SCUBE1: variants seen among roughly 807,000 people sequenced by gnomAD.
The protein encoded by SCUBE1 is signal peptide, CUB and EGF-like domain-containing protein 1.
A neutral mutation model predicts 124.4 loss-of-function variants in SCUBE1; 59 were observed. The ratio of observed to expected loss-of-function variants is 0.47; its 90% CI spans 0.38 to 0.59. The LOEUF (loss-of-function observed/expected upper bound fraction) is 0.59. SCUBE1 is among the 20% of genes least tolerant of loss of function. The probability of loss-of-function intolerance (pLI) is 0.00; values close to 1 mark genes in which losing one functional copy is unlikely to be tolerated. For synonymous variants in SCUBE1, 545 were observed against 550.9 expected (o/e 0.99, Z 0.15); for missense variants, 1,150 against 1,371.2 (o/e 0.84, Z 2.55).
chr22:43,239,552 G>C (rs955067529), intron 6 of SCUBE1, among the ~76,000 whole-genome samples: 2 of 152,284 alleles, frequency 1.3e-5, no homozygotes, highest in Admixed American at 6.5e-5. Flanking sequence ...AGCTTGTCTA[G>C]TGCTTTTTCT....
chr22:43,325,513 A>C (rs6003156), intron 2 of SCUBE1, among the ~76,000 whole-genome samples: 47,196 of 149,242 alleles, frequency 0.32, 8,212 homozygotes, highest in East Asian at 0.53. Flanking sequence ...AGTGGGGAAG[A>C]GATTTCATGG....
In SCUBE1 at chr22:43,227,380, A is replaced by C. The variant is rs200425162; in HGVS notation, c.1201T>G (p.Cys401Gly). The part of the protein sequence containing the change: ...GRRLHWNGKD[C>G]VETGKCLSRA... ...GCACAGGGCGGCCACCTACCCACGC[A>C]ATCCTTCCCGTTCCAGTGGAGCCGC... Residue 401 changes from cysteine (C) to glycine (G), a missense_variant, in exon 10 of 22, where the codon TGC becomes GGC. Cys to Gly is a radical substitution (Grantham distance 159, BLOSUM62 -3). Coordinates refer to ENST00000360835, the MANE Select transcript of SCUBE1 (RefSeq NM_173050.5). 6.2e-7 allele frequency: 1 copy of C among 1,610,082 alleles called. No individual in the cohort carries two copies. The highest frequency in any genetic ancestry group is 8.5e-7 in the Non-Finnish European group (1 of 1,179,496).
intron 6 of SCUBE1, among the ~76,000 whole-genome samples, chr22:43,251,249 A>T (rs112305965): frequency 6.6e-6 from 1 of 152,224 alleles, no homozygotes; most frequent in African/African-American, 2.4e-5. Context: ...TGCATCCCAC[A>T]TCTTCAGGAC....
chr22:43,318,750 A>C (rs1926438744), intron 3 of SCUBE1, among the ~76,000 whole-genome samples: 1 of 152,032 alleles, frequency 6.6e-6, no homozygotes, highest in Non-Finnish European at 1.5e-5. Flanking sequence ...TGTTTTTGAG[A>C]TGGAGTTTCA....
rs1920972642 is a variant in SCUBE1, at chr22:43,199,547, TG to T, written c.*4449del. 6.6e-6 allele frequency: 1 copy of T among 151,254 alleles called. No individual in the cohort carries two copies. The highest frequency in any genetic ancestry group is 6.6e-5 in the Admixed American group (1 of 15,212). 9.4% of individuals were successfully genotyped at this position (151,254 alleles called of 1,614,324 possible). ...ACTTTATCTGTGTGTCCTAAGCCAA[TG>T]GGTAGCTGGAGAGAAAGCTGCCTGA... On this transcript the variant is annotated 3_prime_UTR_variant, in exon 22 of 22. Transcript: ENST00000360835.
intron 3 of SCUBE1, among the ~76,000 whole-genome samples, chr22:43,313,925 G>A (rs553547210): frequency 2.0e-5 from 3 of 152,240 alleles, no homozygotes; most frequent in Non-Finnish European, 4.4e-5. Context: ...TTTCTAAGGT[G>A]ATCAGGGTTT....
chr22:43,278,912 A>G (rs889396548), intron 4 of SCUBE1, among the ~76,000 whole-genome samples: 2 of 152,004 alleles, frequency 1.3e-5, no homozygotes, highest in African/African-American at 4.8e-5. Context: ...GAGCTGCGGG[A>G]GGGTGGGGCT....
chr22:43,335,149 G>A (rs1927022667), intron 2 of SCUBE1, among the ~76,000 whole-genome samples: 1 of 152,170 alleles, frequency 6.6e-6, no homozygotes, highest in African/African-American at 2.4e-5. Flanking sequence ...AACCAAGGAT[G>A]TGAACATCTG....
intron 3 of SCUBE1, among the ~76,000 whole-genome samples, chr22:43,301,915 G>T (rs1925787044): frequency 6.6e-6 from 1 of 152,242 alleles, no homozygotes; most frequent in Non-Finnish European, 1.5e-5. Flanking sequence ...AGGATGAGCT[G>T]CATGGCCTTC....
intron 3 of SCUBE1, among the ~76,000 whole-genome samples, chr22:43,296,837 G>A (rs184708407): frequency 4.5e-4 from 69 of 152,350 alleles, no homozygotes; most frequent in Admixed American, 4.3e-3. Context: ...TGCCACAGGG[G>A]CCTTCAGCAG....
chr22:43,304,626 T>C (rs1265203657), intron 3 of SCUBE1, among the ~76,000 whole-genome samples: 2 of 151,990 alleles, frequency 1.3e-5, no homozygotes, highest in African/African-American at 2.4e-5. Flanking sequence ...AATCTCTGGG[T>C]CTAAGACCAG....
At chr22:43,341,448 A>T (rs891021066) in intron 1 of SCUBE1, among the ~76,000 whole-genome samples, 16 of 152,218 alleles carry the variant, frequency 1.1e-4, no homozygotes, top group African/African-American at 3.6e-4. Context: ...GGCCACAGAT[A>T]TGGCTCTTCC....
chr22:43,222,422 C>G (rs577058979), intron 12 of SCUBE1, among the ~76,000 whole-genome samples: 2 of 152,360 alleles, frequency 1.3e-5, no homozygotes, highest in South Asian at 2.1e-4. Flanking sequence ...GAAGGGCCCT[C>G]CCACGGTCCC....
intron 7 of SCUBE1, among the ~76,000 whole-genome samples, chr22:43,236,928 G>A (rs530904306): frequency 1.7e-4 from 26 of 152,344 alleles, no homozygotes; most frequent in African/African-American, 6.3e-4. Context: ...CCTGTTCCGT[G>A]AGCGAGCGAG....
chr22:43,301,861 C>T (rs1340675258), intron 3 of SCUBE1, among the ~76,000 whole-genome samples: 2 of 152,238 alleles, frequency 1.3e-5, no homozygotes, highest in African/African-American at 4.8e-5. Flanking sequence ...AACGGCGCTT[C>T]TGGCCTGGAC....
chr22:43,268,020 C>T (rs573592833), intron 4 of SCUBE1, among the ~76,000 whole-genome samples: 5 of 152,330 alleles, frequency 3.3e-5, no homozygotes, highest in East Asian at 1.9e-4. Flanking sequence ...GACTCTACCC[C>T]CTCTGCTGTG....
intron 19 of SCUBE1, among the ~76,000 whole-genome samples, chr22:43,209,648 C>T (rs11704836): frequency 0.086 from 13,110 of 152,262 alleles, 640 homozygotes; most frequent in Non-Finnish European, 0.11. Context: ...CAAACCTCAG[C>T]GGGCGGGAGG....
chr22:43,256,544 G>A (rs528183434), intron 6 of SCUBE1, among the ~76,000 whole-genome samples: 63 of 152,242 alleles, frequency 4.1e-4, no homozygotes, highest in Non-Finnish European at 8.1e-4. Flanking sequence ...GAGAGGGGAG[G>A]GAAGGTGGGG....
intron 2 of SCUBE1, among the ~76,000 whole-genome samples, chr22:43,324,853 C>T (rs867971705): frequency 1.3e-5 from 2 of 150,610 alleles, no homozygotes; most frequent in African/African-American, 4.9e-5. Flanking sequence ...ATTGTGTCCC[C>T]GCAAAAAGAT....
Sources: gnomAD v4.1 joint callset for allele counts (sites outside exome capture counted in the v4.1 genomes callset) on GRCh38, gnomAD v4.1.1 for gene constraint, MANE v1.5 for transcripts, NCBI Gene and HGNC (gene_info 2026-07-23, HGNC 2026-07-21) for gene names.